The following BMPR2 variants were observed in gnomAD, a reference collection of about 807,000 sequenced individuals.
The protein encoded by BMPR2 is bone morphogenetic protein receptor type-2.
In BMPR2, 29 loss-of-function variants were observed where a neutral mutation model predicts 100.8. The observed-to-expected ratio is 0.29, with a 90% confidence interval of 0.21 to 0.39. The LOEUF (loss-of-function observed/expected upper bound fraction) is 0.39. Ranked by LOEUF, BMPR2 falls within the 10% of genes least tolerant of loss-of-function variation. The pLI, the probability that BMPR2 is intolerant of heterozygous loss-of-function variation, is 1.00. For missense variants in BMPR2, 1,011 were observed against 1,274.5 expected, an observed-to-expected ratio of 0.79 and a Z score of 3.15; for synonymous variants, 382 against 442.3, an observed-to-expected ratio of 0.86 and a Z score of 1.71.
At chr2:202,451,746 TTTG>T (rs972869979) in intron 1 of BMPR2, among the ~76,000 whole-genome samples, 46 of 152,204 alleles carry the variant, frequency 3.0e-4, no homozygotes, top group African/African-American at 1.9e-4. Flanking sequence ...TGTTTTGTTT[TTTG>T]TTGTTGTTGT....
At chr2:202,407,082 G>A (rs894237276) in intron 1 of BMPR2, among the ~76,000 whole-genome samples, 8 of 151,436 alleles carry the variant, frequency 5.3e-5, no homozygotes, top group Non-Finnish European at 8.8e-5. Context: ...CAAGTAGTTT[G>A]AACTACAGGC....
chr2:202,494,166 A>C (rs757720618), intron 3 of BMPR2, among the ~76,000 whole-genome samples: 9 of 152,236 alleles, frequency 5.9e-5, no homozygotes, highest in Non-Finnish European at 1.3e-4. Flanking sequence ...ATATCATAAC[A>C]ATTTGGATTA....
At chr2:202,416,710 C>G (rs924643458) in intron 1 of BMPR2, among the ~76,000 whole-genome samples, 3 of 152,110 alleles carry the variant, frequency 2.0e-5, no homozygotes, top group African/African-American at 7.2e-5. Context: ...AGGCATGAGC[C>G]ACTGTGCCCT....
At chr2:202,461,775 AAG>A in intron 1 of BMPR2, among the ~76,000 whole-genome samples, 1 of 152,334 alleles carries the variant, frequency 6.6e-6, no homozygotes, top group African/African-American at 2.4e-5. Context: ...ATAAGAAAAA[AAG>A]AAAAAATGAC....
chr2:202,477,198 A>G (rs555552153), intron 3 of BMPR2, among the ~76,000 whole-genome samples: 6 of 152,366 alleles, frequency 3.9e-5, no homozygotes, highest in East Asian at 1.9e-4. Context: ...ATAATACACT[A>G]AAGTGCCCAC....
chr2:202,437,154 C>T (rs1435323147), intron 1 of BMPR2, among the ~76,000 whole-genome samples: 9 of 150,038 alleles, frequency 6.0e-5, no homozygotes, highest in African/African-American at 1.8e-4. Context: ...TACAGGCGGG[C>T]GCCACCACGC....
chr2:202,435,623 TA>T (rs748928053), intron 1 of BMPR2, among the ~76,000 whole-genome samples: 3 of 149,932 alleles, frequency 2.0e-5, no homozygotes, highest in Non-Finnish European at 4.4e-5. Flanking sequence ...AGTAATGTCC[TA>T]GGCCTTCACA....
chr2:202,549,000 GA>G (rs968939049), intron 10 of BMPR2, among the ~76,000 whole-genome samples: 1 of 152,094 alleles, frequency 6.6e-6, no homozygotes, highest in African/African-American at 2.4e-5. Flanking sequence ...ATTACCCCCA[GA>G]AGATTTCTTG....
rs1284671405 is a variant in BMPR2 at position 202,503,278 on chromosome 2, G to A, written c.419-10441G>A. Among the ~76,000 whole-genome samples the A allele has an allele frequency of 6.6e-6, 1 of 152,224 alleles. No homozygotes were observed. Among genetic ancestry groups the A allele is most frequent in the Non-Finnish European group, 1.5e-5 (1 of 68,042 alleles). On this transcript the variant is annotated intron_variant, in intron 3 of 12. Coordinates refer to ENST00000374580, the MANE Select transcript of BMPR2 (RefSeq NM_001204.7). This position sits in a 1 kb window ranked among gnomAD's most constrained non-coding sequence, Gnocchi z 4.0. ...GCGCCTCTGCCTGGGCTCCCACTTTGGCGGCACTTGAGGAGCCCTTCAGCC... is the reference window on the plus strand; with the variant it reads ...GCGCCTCTGCCTGGGCTCCCACTTTAGCGGCACTTGAGGAGCCCTTCAGCC...
At chr2:202,445,884 C>T (rs1175914073) in intron 1 of BMPR2, among the ~76,000 whole-genome samples, 1 of 147,766 alleles carries the variant, frequency 6.8e-6, no homozygotes, top group African/African-American at 2.6e-5. Context: ...ATGCCATTCT[C>T]CTGCCTCAGC....
chr2:202,451,065 A>G (rs1276255360), intron 1 of BMPR2, among the ~76,000 whole-genome samples: 6 of 152,230 alleles, frequency 3.9e-5, no homozygotes, highest in African/African-American at 1.2e-4. Context: ...ATTCCAGGGT[A>G]AAGATAAGAC....
At chr2:202,445,870 G>A (rs1392222631) in intron 1 of BMPR2, among the ~76,000 whole-genome samples, 1 of 147,714 alleles carries the variant, frequency 6.8e-6, no homozygotes. Context: ...CGCCTCCTAG[G>A]TTCATGCCAT....
At chr2:202,427,849 G>A (rs1463353912) in intron 1 of BMPR2, among the ~76,000 whole-genome samples, 4 of 151,950 alleles carry the variant, frequency 2.6e-5, no homozygotes, top group Non-Finnish European at 5.9e-5. Context: ...ATGGTGGCAC[G>A]CAGCTATAGT....
chr2:202,490,847 A>C (rs528945382), intron 3 of BMPR2, among the ~76,000 whole-genome samples: 35 of 152,314 alleles, frequency 2.3e-4, no homozygotes, highest in Non-Finnish European at 4.1e-4. Context: ...TGCCCTTGAT[A>C]TTGTTACTTC....
intron 3 of BMPR2, among the ~76,000 whole-genome samples, chr2:202,496,700 A>G (rs1693037097): frequency 6.6e-6 from 1 of 152,166 alleles, no homozygotes; most frequent in African/African-American, 2.4e-5. Context: ...TTTTGACCCT[A>G]TGGGGAAAAA....
Position 202,420,879 on chromosome 2 carries a change from A to G in BMPR2, c.76+43329A>G, listed in dbSNP as rs148292069. On this transcript the variant is annotated intron_variant, in intron 1 of 12. Transcript: ENST00000374580. ...GGAGTTTTTAAGGCAATATAATGCA[A>G]TATTTAGTAATTGATTCCTTTAATC... Among the ~76,000 whole-genome samples the G allele has an allele frequency of 1.6e-3, 236 of 152,132 alleles. 1 individual carries two copies. Among genetic ancestry groups the G allele is most frequent in the African/African-American group, 4.9e-3 (205 of 41,534 alleles).
In BMPR2 at chr2:202,439,975, G is replaced by C. The variant is rs535963164; in HGVS notation, c.77-24834G>C. Among the ~76,000 whole-genome samples the C allele has an allele frequency of 2.1e-3, 318 of 150,266 alleles. 28 individuals carry two copies. The highest frequency in any genetic ancestry group is 7.3e-3 in the African/African-American group (290 of 39,690). On this transcript the variant is annotated intron_variant, in intron 1 of 12. Transcript: ENST00000374580. ...TGTTTAACAAAGCACATCTTGCACC[G>C]CCCTTAATCCATTTAACCCTGAGTG...
intron 3 of BMPR2, among the ~76,000 whole-genome samples, chr2:202,470,726 T>TGCAGTCC (rs1400748053): frequency 7.0e-6 from 1 of 142,110 alleles, no homozygotes; most frequent in Non-Finnish European, 1.5e-5. Flanking sequence ...ATTGCGCCAC[T>TGCAGTCC]GCAGTCCGCA....
intron 1 of BMPR2, among the ~76,000 whole-genome samples, chr2:202,424,398 T>C (rs1691339672): frequency 6.7e-6 from 1 of 149,096 alleles, no homozygotes; most frequent in Non-Finnish European, 1.5e-5. Context: ...AACACGTTTT[T>C]TATAAGCTGT....
Sources: gnomAD v4.1 joint callset for allele counts (sites outside exome capture counted in the v4.1 genomes callset) on GRCh38, gnomAD v4.1.1 for gene constraint, Gnocchi (gnomAD v3.1) non-coding constraint, MANE v1.5 for transcripts, NCBI Gene and HGNC (gene_info 2026-07-23, HGNC 2026-07-21) for gene names.